The following RRM2 variants were observed in gnomAD, a reference collection of about 807,000 sequenced individuals.
RRM2 encodes ribonucleotide reductase regulatory subunit M2, also known as ribonucleoside-diphosphate reductase subunit M2.
Under a neutral mutation model 45.9 loss-of-function variants are expected in RRM2, and 6 were observed. The ratio of observed to expected loss-of-function variants is 0.13; its 90% CI spans 0.07 to 0.26. The LOEUF (loss-of-function observed/expected upper bound fraction) is 0.26. Among genes scored for constraint, RRM2 ranks in the 10% least tolerant of loss-of-function variants. The pLI is 1.00. For synonymous variants in RRM2, 177 were observed against 173.0 expected (o/e 1.02, Z -0.18); for missense variants, 343 against 489.5 (o/e 0.70, Z 2.82).
At position 10,123,067 on chromosome 2, in the gene RRM2, G is replaced by A; in HGVS notation, c.174+10G>A. The A allele has an allele frequency of 6.5e-7, 1 of 1,546,180 alleles. No individual in the cohort carries two copies. The highest frequency in any genetic ancestry group is 8.7e-7 in the Non-Finnish European group (1 of 1,152,620). ...GGAGCCCACGGAGCCGGTGAGTGGCGGGCGTGGGGCAGAGGGGCCAGGGAC... is the reference window on the plus strand; with the variant it reads ...GGAGCCCACGGAGCCGGTGAGTGGCAGGCGTGGGGCAGAGGGGCCAGGGAC... On this transcript the variant is annotated intron_variant, in intron 2 of 9. Transcript: ENST00000304567.
In RRM2 at chr2:10,153,816, A is replaced by G. The variant is rs566984714; in HGVS notation, n.482+11441A>G. The stretch of plus-strand genomic sequence containing the variant: ...AAACACAGACCAGTATAGTGGCTTA[A>G]AAAAGCAAATTCCCAGGAAAATTTA... On this transcript the variant is annotated intron_variant and non_coding_transcript_variant, in intron 3 of 3. Transcript: ENST00000381786. 7.2e-5 allele frequency among the ~76,000 whole-genome samples: 11 copies of G among 152,348 alleles called. No individual in the cohort carries two copies. In the South Asian group the frequency reaches 1.7e-3, roughly 23 times the overall value.
intron 3 of RRM2, chr2:10,155,011 C>G (rs1663396743): frequency 6.0e-6 from 1 of 166,492 alleles, no homozygotes; most frequent in South Asian, 1.3e-4. Context: ...GTTCCTGATT[C>G]TTAAGCCTAA....
At chr2:10,141,725 G>A in intron 1 of RRM2, 3 of 1,337,120 alleles carry the variant, frequency 2.2e-6, no homozygotes, top group Non-Finnish European at 3.1e-6. Context: ...AGCAGGTGAG[G>A]GTGGGGTACT....
intron 2 of RRM2, chr2:10,142,054 A>T: frequency 6.3e-7 from 1 of 1,595,018 alleles, no homozygotes; most frequent in East Asian, 2.3e-5. Flanking sequence ...AGGGAGCCAG[A>T]GGATGTGGGG....
chr2:10,190,125 ATGATGATGG>A (rs1261451495), intron 3 of RRM2, among the ~76,000 whole-genome samples: 3 of 146,870 alleles, frequency 2.0e-5, no homozygotes, highest in Non-Finnish European at 3.0e-5. Flanking sequence ...AGTGATGGTG[ATGATGATGG>A]TGATGGTGGT....
At position 10,169,765 on chromosome 2, in the gene RRM2, G is replaced by A. The variant is rs922231431; in HGVS notation, n.482+27390G>A. Among the ~76,000 whole-genome samples the A allele has an allele frequency of 2.0e-5, 3 of 152,192 alleles. No homozygotes were observed. The highest frequency in any genetic ancestry group is 2.9e-5 in the Non-Finnish European group (2 of 68,042). On this transcript the variant is annotated intron_variant and non_coding_transcript_variant, in intron 3 of 3. Transcript: ENST00000381786. The surrounding 1 kb of genome is among the most constrained non-coding windows in gnomAD (Gnocchi z 5.1). Reference sequence around the variant, plus strand: ...CCTCCGCACTGGGCTTCCTGAGGACGGGAGCAGGAGCAGGAGGCTGAGGCC... The same window carrying A: ...CCTCCGCACTGGGCTTCCTGAGGACAGGAGCAGGAGCAGGAGGCTGAGGCC...
chr2:10,179,777 A>C (rs1664005942), intron 3 of RRM2, among the ~76,000 whole-genome samples: 1 of 152,228 alleles, frequency 6.6e-6, no homozygotes, highest in South Asian at 2.1e-4. Flanking sequence ...TCCTGAGTTG[A>C]ACCATCATAA....
In RRM2 at chr2:10,122,857, C is replaced by T. The variant is rs1279360740; in HGVS notation, c.59C>T (p.Ser20Leu). Residue 20 changes from serine (S) to leucine (L), a missense_variant, in exon 1 of 10, where the codon TCG becomes TTG. Ser to Leu is a moderately radical substitution (Grantham distance 145). This residue lies in a region of RRM2 where 131 missense variants were observed against 121.4 expected (regional missense o/e 1.08). Transcript: ENST00000304567. ...ACGGACCCGCAGCAGCTGCAGCTCT[C>T]GCCGCTGAAGGGGCTCAGCTTGGTC... ...PITDPQQLQL[S>L]PLKGLSLVDK... 6.2e-7 allele frequency: 1 copy of T among 1,601,462 alleles called. No homozygotes were observed. Among genetic ancestry groups the T allele is most frequent in the Non-Finnish European group, 8.5e-7 (1 of 1,175,760 alleles).
chr2:10,207,474 C>CA, intron 3 of RRM2, among the ~76,000 whole-genome samples: 1 of 152,268 alleles, frequency 6.6e-6, no homozygotes, highest in East Asian at 1.9e-4. Flanking sequence ...AAAAACAAGA[C>CA]AAAAACGTTT....
chr2:10,169,148 TTTTTTTTTTTTTTTGTAG>T lies in RRM2; in HGVS notation n.482+26774_482+26791del, dbSNP rs1166593088. On this transcript the variant is annotated intron_variant and non_coding_transcript_variant, in intron 3 of 3. Transcript: ENST00000381786. This position sits in a 1 kb window ranked among gnomAD's most constrained non-coding sequence, Gnocchi z 5.1. ...TCACCATGCCCAGCTACTTTTTGTA[TTTTTTTTTTTTTTTGTAG>T]AGATGGGGTCTCACAGTGTTGCCCA... Among the ~76,000 whole-genome samples the T allele has an allele frequency of 4.1e-5, 1 of 24,390 alleles. No homozygotes were observed. Among genetic ancestry groups the T allele is most frequent in the Admixed American group, 3.7e-4 (1 of 2,678 alleles). The allele number at this position is 24,390 out of a possible 152,430, so 16.0% of individuals were successfully genotyped here. A position where few individuals can be genotyped will look rare whatever the true frequency, so the allele number is the denominator to read the frequency against.
intron 3 of RRM2, among the ~76,000 whole-genome samples, chr2:10,173,343 G>A (rs72788306): frequency 0.26 from 39,194 of 151,978 alleles, 6,180 homozygotes; most frequent in Non-Finnish European, 0.36. Flanking sequence ...TCCCCCAATG[G>A]CATCCCAAGA....
intron 3 of RRM2, among the ~76,000 whole-genome samples, chr2:10,176,072 A>T (rs942239792): frequency 2.0e-5 from 3 of 152,318 alleles, no homozygotes; most frequent in African/African-American, 4.8e-5. Context: ...ATAATATTTC[A>T]TTATGGATAT....
At chr2:10,198,041 A>T (rs976048941) in intron 3 of RRM2, among the ~76,000 whole-genome samples, 2 of 151,644 alleles carry the variant, frequency 1.3e-5, no homozygotes, top group African/African-American at 2.4e-5. Context: ...AGAACTCAAC[A>T]ATCACACCCT....
At chr2:10,206,036 G>A (rs1010402678) in intron 3 of RRM2, among the ~76,000 whole-genome samples, 2 of 152,040 alleles carry the variant, frequency 1.3e-5, no homozygotes, top group Non-Finnish European at 1.5e-5. Context: ...CATGAGGTCA[G>A]GAGATCGAGA....
At chr2:10,143,238 C>T (rs1025727244) in intron 3 of RRM2, among the ~76,000 whole-genome samples, 2 of 152,178 alleles carry the variant, frequency 1.3e-5, no homozygotes, top group South Asian at 2.1e-4. Flanking sequence ...GTTCCCTTAG[C>T]CTGGACTTTG....
At chr2:10,187,182 C>G (rs1471953873) in intron 3 of RRM2, among the ~76,000 whole-genome samples, 4 of 152,184 alleles carry the variant, frequency 2.6e-5, no homozygotes, top group African/African-American at 9.7e-5. Flanking sequence ...CTCCCTTGTT[C>G]CCTGATGCTG....
chr2:10,194,050 A>T (rs1664363602), intron 3 of RRM2, among the ~76,000 whole-genome samples: 1 of 152,252 alleles, frequency 6.6e-6, no homozygotes, highest in African/African-American at 2.4e-5. Flanking sequence ...GTCATTTCAG[A>T]AGCTGGAGGA....
At chr2:10,157,073 C>T (rs1189620031) in intron 3 of RRM2, among the ~76,000 whole-genome samples, 1 of 137,896 alleles carries the variant, frequency 7.3e-6, no homozygotes, top group Non-Finnish European at 1.5e-5. Context: ...CCAGGCCGGA[C>T]TGCGGACTGC....
exon 2 of RRM2, chr2:10,141,954 G>T: frequency 6.4e-7 from 1 of 1,574,508 alleles, no homozygotes; most frequent in Non-Finnish European, 8.6e-7. Flanking sequence ...CCCAGTGTGC[G>T]GTAAGTCAGA....
Sources: allele counts gnomAD v4.1 joint callset (sites outside exome capture counted in the v4.1 genomes callset), GRCh38; gene constraint gnomAD v4.1.1; regional missense constraint gnomAD v4.1.1; non-coding constraint Gnocchi (gnomAD v3.1); transcripts MANE v1.5; gene names NCBI Gene and HGNC (gene_info 2026-07-23, HGNC 2026-07-21).